Variants in MAST4 observed in about 807,000 individuals in gnomAD.
MAST4 encodes microtubule associated serine/threonine kinase family member 4, also known as microtubule-associated serine/threonine-protein kinase 4.
A neutral mutation model predicts 162.7 loss-of-function variants in MAST4; 89 were observed. That is an observed-to-expected ratio of 0.55 (90% CI 0.46 to 0.65). The LOEUF (loss-of-function observed/expected upper bound fraction) is 0.65, where lower values mean the gene tolerates loss of function less well. MAST4 is among the 30% of genes least tolerant of loss of function. MAST4 has a pLI of 0.00. For missense variants in MAST4, 3,153 were observed against 3,374.0 expected, an observed-to-expected ratio of 0.93 and a Z score of 1.62; for synonymous variants, 1,479 against 1,361.1, an observed-to-expected ratio of 1.09 and a Z score of -1.91.
chr5:66,985,424 C>T (rs1749367141), intron 4 of MAST4, among the ~76,000 whole-genome samples: 1 of 152,056 alleles, frequency 6.6e-6, no homozygotes, highest in Non-Finnish European at 1.5e-5. Context: ...GCTTGAGGGG[C>T]CCTAGATTTT....
chr5:66,957,542 G>A (rs1277986984), intron 4 of MAST4, among the ~76,000 whole-genome samples: 1 of 152,148 alleles, frequency 6.6e-6, no homozygotes, highest in Non-Finnish European at 1.5e-5. Flanking sequence ...TGTGGAGTCA[G>A]TGACTATATT....
intron 1 of MAST4, among the ~76,000 whole-genome samples, chr5:66,732,652 TG>T (rs1751926634): frequency 6.6e-6 from 1 of 152,230 alleles, no homozygotes; most frequent in African/African-American, 2.4e-5. Flanking sequence ...GTTCTTTGAA[TG>T]AAAAACTGAA....
intron 1 of MAST4, among the ~76,000 whole-genome samples, chr5:66,678,216 A>G (rs1748085134): frequency 1.3e-5 from 2 of 152,016 alleles, no homozygotes; most frequent in South Asian, 4.2e-4. Context: ...TTGAACTCAC[A>G]GAAGCAGAGA....
At chr5:66,771,234 G>A (rs930763482) in intron 2 of MAST4, among the ~76,000 whole-genome samples, 3 of 150,600 alleles carry the variant, frequency 2.0e-5, no homozygotes, top group African/African-American at 7.3e-5. Context: ...GCCCAGGCTG[G>A]AGTGCAGTGG....
At chr5:66,717,160 G>A (rs1190996090) in intron 1 of MAST4, among the ~76,000 whole-genome samples, 1 of 152,132 alleles carries the variant, frequency 6.6e-6, no homozygotes, top group Non-Finnish European at 1.5e-5. Context: ...CCCAGGATGG[G>A]CCCAGGACTA....
chr5:67,073,182 C>T (rs1293185294), intron 5 of MAST4, among the ~76,000 whole-genome samples: 2 of 152,210 alleles, frequency 1.3e-5, no homozygotes, highest in African/African-American at 4.8e-5. Flanking sequence ...ACCCAGCCCA[C>T]ACCATGGCAC....
intron 2 of MAST4, among the ~76,000 whole-genome samples, chr5:66,778,390 G>T (rs905907689): frequency 6.6e-6 from 1 of 152,178 alleles, no homozygotes; most frequent in South Asian, 2.1e-4. Context: ...GGGAGAATTT[G>T]CTGGGTGTTG....
At chr5:66,879,228 G>T (rs554517001) in intron 3 of MAST4, among the ~76,000 whole-genome samples, 1 of 152,010 alleles carries the variant, frequency 6.6e-6, no homozygotes, top group African/African-American at 2.4e-5. Flanking sequence ...GCAGTGAGCC[G>T]AGATTGCGCT....
intron 5 of MAST4, among the ~76,000 whole-genome samples, chr5:67,062,051 C>A (rs1247813811): frequency 6.6e-6 from 1 of 152,070 alleles, no homozygotes; most frequent in Admixed American, 6.5e-5. Flanking sequence ...CTGGTGAGAA[C>A]AATTTAGTCA....
intron 3 of MAST4, among the ~76,000 whole-genome samples, chr5:66,836,194 G>A (rs1160817206): frequency 6.6e-6 from 1 of 151,748 alleles, no homozygotes; most frequent in Non-Finnish European, 1.5e-5. Flanking sequence ...TCATGCTTTT[G>A]ACAAGTATTT....
intron 4 of MAST4, among the ~76,000 whole-genome samples, chr5:66,920,725 A>G (rs1053882287): frequency 6.6e-6 from 1 of 152,128 alleles, no homozygotes; most frequent in Admixed American, 6.5e-5. Context: ...TCCCTACCTC[A>G]GGAGATCCGC....
chr5:67,025,808 A>C (rs1754570350), intron 4 of MAST4, among the ~76,000 whole-genome samples: 1 of 152,198 alleles, frequency 6.6e-6, no homozygotes, highest in Admixed American at 6.6e-5. Context: ...TATCACCCAC[A>C]TCATGTGCCT....
chr5:66,831,501 A>G (rs1197225984), intron 3 of MAST4, among the ~76,000 whole-genome samples: 21 of 152,198 alleles, frequency 1.4e-4, no homozygotes, highest in Non-Finnish European at 1.8e-4. Context: ...TTTAGGACCA[A>G]TTTTAAAAAG....
chr5:66,745,043 G>T (rs1752672271), intron 1 of MAST4, among the ~76,000 whole-genome samples: 1 of 152,172 alleles, frequency 6.6e-6, no homozygotes, highest in Admixed American at 6.5e-5. Context: ...TTGGTGTCAG[G>T]TATGATCCCA....
chr5:66,651,169 T>G (rs1201945700), intron 1 of MAST4, among the ~76,000 whole-genome samples: 4 of 152,178 alleles, frequency 2.6e-5, no homozygotes, highest in Non-Finnish European at 5.9e-5. Flanking sequence ...TTAGCAGATT[T>G]GATTGAGAAT....
chr5:66,702,039 G>T (rs1749810567), intron 1 of MAST4, among the ~76,000 whole-genome samples: 1 of 152,166 alleles, frequency 6.6e-6, no homozygotes, highest in African/African-American at 2.4e-5. Flanking sequence ...CTTTTGCTCA[G>T]ATAATTGTGA....
In MAST4 at chr5:67,163,856, T is replaced by G; in HGVS notation, c.4677T>G (p.Ser1559Arg). The G allele has an allele frequency of 6.2e-7, 1 of 1,613,022 alleles. No individual in the cohort carries two copies. The highest frequency in any genetic ancestry group is 8.5e-7 in the Non-Finnish European group (1 of 1,179,624). Reference protein sequence around the residue: ...ESHQKSHGPGSDLENFALFKL... With the variant: ...ESHQKSHGPGRDLENFALFKL... The stretch of plus-strand genomic sequence containing the variant: ...ACCAGAAATCCCATGGACCCGGGAG[T>G]GATTTGGAAAACTTTGCTCTGTTTA... The change falls in exon 29 of 29, where the codon AGT (serine) becomes AGG (arginine). Residue 1559 changes from serine (S) to arginine (R), a missense_variant. Coordinates refer to ENST00000403625, the MANE Select transcript of MAST4 (RefSeq NM_001164664.2). This position sits in a 1 kb window ranked among gnomAD's most constrained non-coding sequence, Gnocchi z 7.0.
intron 4 of MAST4, among the ~76,000 whole-genome samples, chr5:66,981,076 G>A (rs2048213): frequency 0.055 from 8,351 of 152,214 alleles, 341 homozygotes; most frequent in Admixed American, 0.14. Context: ...GGGAGAGATC[G>A]TTTGGGCATA....
intron 3 of MAST4, among the ~76,000 whole-genome samples, chr5:66,833,023 A>G (rs1401353662): frequency 1.3e-5 from 2 of 152,146 alleles, no homozygotes; most frequent in African/African-American, 2.4e-5. Flanking sequence ...ATAGTACTGT[A>G]GTTTCTATTT....
Sources: gnomAD v4.1 joint callset for allele counts (sites outside exome capture counted in the v4.1 genomes callset) on GRCh38, gnomAD v4.1.1 for gene constraint, Gnocchi (gnomAD v3.1) non-coding constraint, MANE v1.5 for transcripts, NCBI Gene and HGNC (gene_info 2026-07-23, HGNC 2026-07-21) for gene names.